Variants in PTPRG observed in about 807,000 individuals in gnomAD.
PTPRG encodes the protein protein tyrosine phosphatase receptor type G, also known as receptor-type tyrosine-protein phosphatase gamma.
PTPRG carries 102 observed loss-of-function variants against 165.3 expected under a neutral mutation model. That is an observed-to-expected ratio of 0.62 (90% CI 0.53 to 0.73). The LOEUF is 0.73. PTPRG is among the 30% of genes least tolerant of loss of function. The pLI, the probability that PTPRG is intolerant of heterozygous loss-of-function variation, is 0.00. For synonymous variants in PTPRG, 675 were observed against 669.5 expected, an observed-to-expected ratio of 1.01 and a Z score of -0.13; for missense variants, 1,866 against 1,861.4, an observed-to-expected ratio of 1.00 and a Z score of -0.05.
intron 2 of PTPRG, among the ~76,000 whole-genome samples, chr3:61,942,178 G>A (rs1224839943): frequency 5.9e-5 from 9 of 151,482 alleles, no homozygotes; most frequent in African/African-American, 9.7e-5. Flanking sequence ...AAAAAAGGAA[G>A]GAAGTTAGTT....
intron 1 of PTPRG, among the ~76,000 whole-genome samples, chr3:61,707,099 A>G (rs1422034679): frequency 6.6e-6 from 1 of 152,152 alleles, no homozygotes; most frequent in Non-Finnish European, 1.5e-5. Context: ...ACTGCTGCAT[A>G]GTTTTCCATA....
At chr3:61,742,971 G>A in intron 1 of PTPRG, 1 of 1,505,838 alleles carries the variant, frequency 6.6e-7, no homozygotes, top group Non-Finnish European at 9.2e-7. Flanking sequence ...AGAAGCACTT[G>A]TCCTTCTGGG....
At chr3:62,031,765 A>T (rs1292917881) in intron 4 of PTPRG, among the ~76,000 whole-genome samples, 1 of 152,158 alleles carries the variant, frequency 6.6e-6, no homozygotes, top group Admixed American at 6.6e-5. Flanking sequence ...AATGAGGTTG[A>T]CAATTCTTGG....
intron 5 of PTPRG, among the ~76,000 whole-genome samples, chr3:62,110,168 C>T (rs1268268056): frequency 7.5e-6 from 1 of 132,902 alleles, no homozygotes; most frequent in Non-Finnish European, 1.6e-5. Flanking sequence ...TGGTAGTTAC[C>T]TATCTTTTAC....
At chr3:61,843,713 C>A (rs1248390868) in intron 2 of PTPRG, among the ~76,000 whole-genome samples, 1 of 151,808 alleles carries the variant, frequency 6.6e-6, no homozygotes, top group Admixed American at 6.6e-5. Flanking sequence ...AAATTTCCTT[C>A]TTTACAACTC....
chr3:61,948,868 TTGA>T (rs2039828950), intron 2 of PTPRG, among the ~76,000 whole-genome samples: 1 of 152,098 alleles, frequency 6.6e-6, no homozygotes, highest in Admixed American at 6.5e-5. Context: ...AAGCACTGAG[TTGA>T]TGATCTAATA....
intron 5 of PTPRG, among the ~76,000 whole-genome samples, chr3:62,082,961 C>G (rs1186483057): frequency 6.6e-6 from 1 of 151,978 alleles, no homozygotes; most frequent in East Asian, 1.9e-4. Context: ...GGGTTTGTTC[C>G]CTATCGAAAG....
chr3:61,575,946 T>C (rs1028353436), intron 1 of PTPRG, among the ~76,000 whole-genome samples: 1 of 152,100 alleles, frequency 6.6e-6, no homozygotes, highest in Non-Finnish European at 1.5e-5. Context: ...ATGGTACCTG[T>C]TTTTAATAGC....
At chr3:61,711,893 C>CT (rs34377397) in intron 1 of PTPRG, among the ~76,000 whole-genome samples, 15,150 of 135,976 alleles carry the variant, frequency 0.11, 1,449 homozygotes, top group East Asian at 0.55. Flanking sequence ...TTATTATAGT[C>CT]TTTTTTTTTT....
chr3:62,157,247 G>A, intron 7 of PTPRG, 23 bp downstream of exon 7: 1 of 1,607,288 alleles, frequency 6.2e-7, no homozygotes, highest in Non-Finnish European at 8.5e-7. Flanking sequence ...CCTCAAGTGG[G>A]GTTTCTGTGT....
chr3:62,013,611 G>A (rs6801081), intron 4 of PTPRG, among the ~76,000 whole-genome samples: 133,738 of 152,208 alleles, frequency 0.88, 59,059 homozygotes, highest in East Asian at 1. Context: ...GAAATGATGG[G>A]TATATTAATA....
chr3:61,812,308 ATTTT>A (rs891925576), intron 2 of PTPRG, among the ~76,000 whole-genome samples: 1 of 149,772 alleles, frequency 6.7e-6, no homozygotes, highest in African/African-American at 2.5e-5. Flanking sequence ...TCATTCATTC[ATTTT>A]GTCAATCCAT....
At chr3:61,653,635 A>T (rs188319235) in intron 1 of PTPRG, among the ~76,000 whole-genome samples, 1 of 152,066 alleles carries the variant, frequency 6.6e-6, no homozygotes, top group East Asian at 1.9e-4. Context: ...AAATCATTGC[A>T]TATGTCTTTG....
chr3:61,806,559 T>C (rs765832892), intron 2 of PTPRG, among the ~76,000 whole-genome samples: 19 of 151,598 alleles, frequency 1.3e-4, no homozygotes, highest in Non-Finnish European at 2.5e-4. Context: ...TTTTTGTACT[T>C]CTGGATTTAT....
Position 61,734,712 on chromosome 3 carries a change from A to C in PTPRG, c.86-14166A>C, listed in dbSNP as rs577733755. On this transcript the variant is annotated intron_variant, in intron 1 of 29. Transcript: ENST00000474889. ...CTCTTCAACGTTAGTGTATTTATTA[A>C]AAATAAAAAAGGAAACTGCCTTTTT... Among the ~76,000 whole-genome samples the C allele has an allele frequency of 1.4e-4, 21 of 152,342 alleles. No homozygotes were observed. The South Asian group carries it at 3.7e-3, about 27-fold the overall frequency.
chr3:61,989,594 T>C (rs1396716734), intron 2 of PTPRG, 31 bp from the exon 3 acceptor site: 10 of 1,599,124 alleles, frequency 6.3e-6, no homozygotes, highest in Middle Eastern at 1.7e-4. Context: ...CCTTGAACCA[T>C]GAGGATTGAA....
intron 1 of PTPRG, among the ~76,000 whole-genome samples, chr3:61,640,058 G>A (rs987311568): frequency 3.9e-5 from 6 of 152,222 alleles, no homozygotes; most frequent in East Asian, 3.9e-4. Flanking sequence ...CAGACACTAC[G>A]TTTCTCTTTA....
chr3:61,797,694 A>G (rs982850061), intron 2 of PTPRG, among the ~76,000 whole-genome samples: 27 of 150,850 alleles, frequency 1.8e-4, no homozygotes, highest in Admixed American at 1.0e-3. Flanking sequence ...AGCTCATGAG[A>G]GCTCTGTGCT....
chr3:61,989,567 T>C, intron 2 of PTPRG, 58 bp from the exon 3 acceptor site: 1 of 1,523,544 alleles, frequency 6.6e-7, no homozygotes, highest in Non-Finnish European at 8.9e-7. Context: ...CTAAGATTTA[T>C]TCATTTCATC....
Sources: gnomAD v4.1 joint callset for allele counts (sites outside exome capture counted in the v4.1 genomes callset) on GRCh38, gnomAD v4.1.1 for gene constraint, MANE v1.5 for transcripts, NCBI Gene and HGNC (gene_info 2026-07-23, HGNC 2026-07-21) for gene names.